The following CHST11 variants were observed in gnomAD, a reference collection of about 807,000 sequenced individuals.
CHST11 encodes carbohydrate sulfotransferase 11.
In CHST11, 9 loss-of-function variants were observed where a neutral mutation model predicts 30.4. The observed-to-expected ratio is 0.30, with a 90% CI of 0.18 to 0.52. CHST11 has a LOEUF of 0.52. Among genes scored for constraint, CHST11 ranks in the 20% least tolerant of loss-of-function variants. The pLI is 0.97. For missense variants in CHST11, 348 were observed against 460.6 expected, an observed-to-expected ratio of 0.76 and a Z score of 2.24; for synonymous variants, 152 against 187.8, an observed-to-expected ratio of 0.81 and a Z score of 1.56.
intron 2 of CHST11, among the ~76,000 whole-genome samples, chr12:104,717,113 T>C (rs940049937): frequency 6.6e-6 from 1 of 152,246 alleles, no homozygotes; most frequent in Non-Finnish European, 1.5e-5. Flanking sequence ...CAGGCTAATC[T>C]TTTTATTTTG....
intron 2 of CHST11, among the ~76,000 whole-genome samples, chr12:104,626,578 C>CA (rs34633763): frequency 0.14 from 10,875 of 77,804 alleles, 1,137 homozygotes; most frequent in African/African-American, 0.31. Context: ...CCTCCCCACC[C>CA]AAAAAAAAAA....
chr12:104,467,986 A>G (rs1291159704), intron 1 of CHST11, among the ~76,000 whole-genome samples: 4 of 152,220 alleles, frequency 2.6e-5, no homozygotes, highest in African/African-American at 9.6e-5. Flanking sequence ...ATGCTTACTA[A>G]GAGTTAAGCT....
chr12:104,548,311 T>C (rs1418408517), intron 1 of CHST11, among the ~76,000 whole-genome samples: 1 of 152,164 alleles, frequency 6.6e-6, no homozygotes, highest in Non-Finnish European at 1.5e-5. Context: ...CAATTAGATC[T>C]CTGGGGAAAA....
intron 1 of CHST11, among the ~76,000 whole-genome samples, chr12:104,515,090 A>G (rs1437859824): frequency 6.6e-6 from 1 of 152,242 alleles, no homozygotes; most frequent in Admixed American, 6.5e-5. Flanking sequence ...ATAGCCTGTG[A>G]GCTAAGAATT....
At chr12:104,603,573 C>G (rs752139619) in intron 2 of CHST11, among the ~76,000 whole-genome samples, 7 of 152,176 alleles carry the variant, frequency 4.6e-5, no homozygotes, top group African/African-American at 1.7e-4. Flanking sequence ...GTTGTGCAAC[C>G]CTGAATATAT....
chr12:104,528,475 C>T (rs1037791864), intron 1 of CHST11, among the ~76,000 whole-genome samples: 9 of 152,166 alleles, frequency 5.9e-5, no homozygotes, highest in Admixed American at 2.6e-4. Flanking sequence ...CATTTGCAAA[C>T]GTAGGAAGAA....
intron 1 of CHST11, among the ~76,000 whole-genome samples, chr12:104,532,799 A>G (rs999921627): frequency 1.3e-5 from 2 of 152,032 alleles, no homozygotes; most frequent in African/African-American, 4.8e-5. Context: ...CCTGAGCTAC[A>G]TCATCCCCTA....
chr12:104,662,552 C>T (rs1002987325), intron 2 of CHST11, among the ~76,000 whole-genome samples: 1 of 152,172 alleles, frequency 6.6e-6, no homozygotes, highest in Non-Finnish European at 1.5e-5. Flanking sequence ...TTTCCTAACT[C>T]TTGCAATGAA....
intron 2 of CHST11, among the ~76,000 whole-genome samples, chr12:104,751,728 A>C (rs77368456): frequency 0.043 from 6,519 of 152,268 alleles, 483 homozygotes; most frequent in African/African-American, 0.15. Context: ...GCTGAAATGT[A>C]CCTTATTTGC....
chr12:104,635,594 A>G lies in CHST11; in HGVS notation c.204+33603A>G, dbSNP rs181346477. Among the ~76,000 whole-genome samples, 869 of 152,350 alleles carry G rather than the reference A, an allele frequency of 5.7e-3. 2 individuals carry two copies. Among genetic ancestry groups the G allele is most frequent in the Non-Finnish European group, 9.2e-3 (623 of 68,036 alleles). On this transcript the variant is annotated intron_variant, in intron 2 of 2. Transcript: ENST00000303694. ...TGTGTTGATGGCTTCGCCGTTTTCC[A>G]ACATTTGGTGGAATGACAGAGCCTT...
At chr12:104,561,362 A>AGGGAAAGG (rs2038512486) in intron 1 of CHST11, among the ~76,000 whole-genome samples, 1 of 152,200 alleles carries the variant, frequency 6.6e-6, no homozygotes, top group South Asian at 2.1e-4. Flanking sequence ...TATCCCTTGC[A>AGGGAAAGG]GGGAAAGGGG....
chr12:104,550,141 G>A (rs2038391724), intron 1 of CHST11, among the ~76,000 whole-genome samples: 1 of 152,308 alleles, frequency 6.6e-6, no homozygotes, highest in Middle Eastern at 3.4e-3. Context: ...AAGAACACTG[G>A]TTGGAGGCGA....
At chr12:104,605,983 T>G (rs1418142962) in intron 2 of CHST11, among the ~76,000 whole-genome samples, 1 of 152,096 alleles carries the variant, frequency 6.6e-6, no homozygotes, top group Non-Finnish European at 1.5e-5. Flanking sequence ...TCTTTAGCAT[T>G]TACACTTGCT....
chr12:104,518,280 C>T (rs1592742230), intron 1 of CHST11, among the ~76,000 whole-genome samples: 2 of 151,898 alleles, frequency 1.3e-5, no homozygotes, highest in Non-Finnish European at 2.9e-5. Context: ...GAGCGAGACC[C>T]TGTCTCAAAA....
At chr12:104,627,557 G>A (rs7137401) in intron 2 of CHST11, among the ~76,000 whole-genome samples, 2 of 152,004 alleles carry the variant, frequency 1.3e-5, no homozygotes, top group Non-Finnish European at 1.5e-5. Context: ...TTCAACAAGC[G>A]CAGGTTCAGA....
chr12:104,754,928 G>T (rs747280851), intron 2 of CHST11, among the ~76,000 whole-genome samples: 12 of 152,196 alleles, frequency 7.9e-5, no homozygotes, highest in Admixed American at 3.9e-4. Flanking sequence ...ACCTGTGAAG[G>T]TGCCTCCTAC....
Position 104,644,736 on chromosome 12 carries a change from A to G in CHST11, c.204+42745A>G, listed in dbSNP as rs150947977. ...AGCCCGGTGGCAGACTGACCAGTGT[A>G]GGTAGGGGAAGACTGGCTGGACCTC... On this transcript the variant is annotated intron_variant, in intron 2 of 2. Coordinates refer to ENST00000303694, the MANE Select transcript of CHST11 (RefSeq NM_018413.6). Among the ~76,000 whole-genome samples, 204 of 152,312 alleles carry G rather than the reference A, an allele frequency of 1.3e-3. 3 individuals carry two copies. The highest frequency in any genetic ancestry group is 4.0e-3 in the African/African-American group (166 of 41,574).
intron 1 of CHST11, among the ~76,000 whole-genome samples, chr12:104,501,555 A>T (rs1459115396): frequency 6.6e-6 from 1 of 152,220 alleles, no homozygotes; most frequent in Non-Finnish European, 1.5e-5. Context: ...CTTAGCTCAC[A>T]GATGCTCATT....
At chr12:104,698,426 C>T (rs755781849) in intron 2 of CHST11, among the ~76,000 whole-genome samples, 12 of 152,182 alleles carry the variant, frequency 7.9e-5, no homozygotes, top group Non-Finnish European at 1.2e-4. Flanking sequence ...GAGCTTTCCT[C>T]GGGCTCCAGT....
Sources: gnomAD v4.1 joint callset for allele counts (sites outside exome capture counted in the v4.1 genomes callset) on GRCh38, gnomAD v4.1.1 for gene constraint, MANE v1.5 for transcripts, NCBI Gene and HGNC (gene_info 2026-07-23, HGNC 2026-07-21) for gene names.